Variants in ABCA4 observed in about 807,000 individuals in gnomAD.
The protein encoded by ABCA4 is retinal-specific phospholipid-transporting ATPase ABCA4.
ABCA4 carries 196 observed loss-of-function variants against 263.7 expected under a neutral mutation model. The ratio of observed to expected loss-of-function variants is 0.74; its 90% CI spans 0.66 to 0.84. The LOEUF (loss-of-function observed/expected upper bound fraction) is 0.84. ABCA4 is among the 40% of genes least tolerant of loss of function. The pLI is 0.00. For synonymous variants in ABCA4, 1,133 were observed against 1,094.2 expected (o/e 1.04, Z -0.70); for missense variants, 2,792 against 2,855.1 (o/e 0.98, Z 0.50).
chr1:94,081,260 G>A (rs1367385915), intron 7 of ABCA4, among the ~76,000 whole-genome samples: 1 of 152,062 alleles, frequency 6.6e-6, no homozygotes, highest in African/African-American at 2.4e-5. Flanking sequence ...ATCACAGAGT[G>A]ACCCCTAGAG....
At position 94,062,771 on chromosome 1, in the gene ABCA4, G is replaced by C; in HGVS notation, c.1761-18C>G. The C allele has an allele frequency of 3.1e-6, 5 of 1,612,652 alleles. No individual in the cohort carries two copies. The highest frequency in any genetic ancestry group is 4.2e-6 in the Non-Finnish European group (5 of 1,179,486). ...CCCAATACCTGAGAAGACACAGAGGGACAAAGGATGGGAACGGGCTTGGAT... is the reference window on the plus strand; with the variant it reads ...CCCAATACCTGAGAAGACACAGAGGCACAAAGGATGGGAACGGGCTTGGAT... On this transcript the variant is annotated intron_variant, in intron 12 of 49. Transcript: ENST00000370225.
chr1:94,100,973 G>A (rs1015752169), intron 5 of ABCA4, among the ~76,000 whole-genome samples: 2 of 152,228 alleles, frequency 1.3e-5, no homozygotes, highest in Non-Finnish European at 2.9e-5. Flanking sequence ...TGGGAAGTGG[G>A]CAGGGAGGGC....
At chr1:94,046,214 G>A (rs1409863456) in intron 19 of ABCA4, among the ~76,000 whole-genome samples, 8 of 150,678 alleles carry the variant, frequency 5.3e-5, no homozygotes, top group Non-Finnish European at 1.5e-5. Flanking sequence ...AAGCTGAGGC[G>A]GGCAGATCAC....
intron 18 of ABCA4, among the ~76,000 whole-genome samples, chr1:94,047,652 C>T (rs527704993): frequency 2.8e-4 from 43 of 152,266 alleles, no homozygotes; most frequent in African/African-American, 6.3e-4. Flanking sequence ...TTTTCTGGAC[C>T]GCCATTCTCT....
intron 38 of ABCA4, among the ~76,000 whole-genome samples, chr1:94,012,087 T>C (rs902050140): frequency 6.6e-6 from 1 of 152,170 alleles, no homozygotes; most frequent in Non-Finnish European, 1.5e-5. Context: ...AGAAGGGACA[T>C]CGAGGCGTAC....
At chr1:94,100,300 A>T (rs1662254058) in intron 5 of ABCA4, among the ~76,000 whole-genome samples, 2 of 152,208 alleles carry the variant, frequency 1.3e-5, no homozygotes, top group South Asian at 4.1e-4. Context: ...ATTTACTGAG[A>T]GTTTACTATG....
At chr1:94,055,925 G>C (rs1332180554) in intron 15 of ABCA4, among the ~76,000 whole-genome samples, 2 of 152,212 alleles carry the variant, frequency 1.3e-5, no homozygotes, top group East Asian at 3.9e-4. Context: ...CGGAGGACAA[G>C]GGGAACTGCA....
intron 1 of ABCA4, among the ~76,000 whole-genome samples, chr1:94,113,340 T>C (rs1349736379): frequency 2.0e-5 from 3 of 152,358 alleles, no homozygotes; most frequent in African/African-American, 7.2e-5. Context: ...TAAAGGATCA[T>C]CAAGATCATC....
In ABCA4 at chr1:94,011,373, A is replaced by G; in HGVS notation, c.5473T>C (p.Phe1825Leu). Reference protein sequence around the residue: ...LFENNRTLLRFNAVLRKLLIV... With the variant: ...LFENNRTLLRLNAVLRKLLIV... ...AGCAGCTTCCTCAGCACGGCGTTGAACCTGAGCAGCGTCTGAAACAGAGAA... is the reference window on the plus strand; with the variant it reads ...AGCAGCTTCCTCAGCACGGCGTTGAGCCTGAGCAGCGTCTGAAACAGAGAA... Residue 1825 changes from phenylalanine to leucine, a missense_variant, in exon 39 of 50, where the codon TTC becomes CTC. Phe to Leu is a conservative substitution (Grantham distance 22, BLOSUM62 0). Coordinates refer to ENST00000370225, the MANE Select transcript of ABCA4 (RefSeq NM_000350.3). 1.2e-6 allele frequency: 2 copies of G among 1,614,018 alleles called. No individual in the cohort carries two copies. Among genetic ancestry groups the G allele is most frequent in the South Asian group, 2.2e-5 (2 of 91,076 alleles).
At chr1:94,049,028 G>C in intron 17 of ABCA4, 71 bp from the exon 18 acceptor site, 1 of 1,491,176 alleles carries the variant, frequency 6.7e-7, no homozygotes, top group Non-Finnish European at 9.3e-7. Context: ...GAAAGGAGGG[G>C]AGAGGTACAG....
intron 11 of ABCA4, among the ~76,000 whole-genome samples, chr1:94,073,939 A>G (rs1188531198): frequency 6.6e-6 from 1 of 152,150 alleles, no homozygotes; most frequent in Non-Finnish European, 1.5e-5. Flanking sequence ...TGCTTATGTT[A>G]TAACAGCAGT....
chr1:94,005,514 T>C lies in ABCA4; in HGVS notation c.6074A>G (p.Glu2025Gly), dbSNP rs777410156. Reference protein sequence around the residue: ...GYCPQFDAIDELLTGREHLYL... With the variant: ...GYCPQFDAIDGLLTGREHLYL... ...AAGATGTTCTCGTCCTGTGAGCAGC[T>C]CATCAATTGCATCAAACTGAGGACA... Residue 2025 changes from glutamate to glycine, a missense_variant, in exon 44 of 50, where the codon GAG becomes GGG. By Grantham distance (98) the Glu-to-Gly change is moderately conservative. Coordinates refer to ENST00000370225, the MANE Select transcript of ABCA4 (RefSeq NM_000350.3). 1.2e-6 allele frequency: 2 copies of C among 1,613,968 alleles called. No homozygotes were observed. The highest frequency in any genetic ancestry group is 1.7e-6 in the Non-Finnish European group (2 of 1,179,946).
intron 6 of ABCA4, among the ~76,000 whole-genome samples, chr1:94,095,276 T>TA: frequency 6.6e-6 from 1 of 151,298 alleles, no homozygotes; most frequent in South Asian, 2.1e-4. Flanking sequence ...CAGTCGGTGC[T>TA]AACCCCAGCG....
At chr1:94,102,867 G>T (rs1445238293) in intron 5 of ABCA4, 148 bp downstream of exon 5, 16 of 1,130,084 alleles carry the variant, frequency 1.4e-5, no homozygotes, top group Middle Eastern at 2.8e-4. Context: ...TGATCCCCCG[G>T]TTTTTTTCTA....
At position 94,029,345 on chromosome 1, in the gene ABCA4, T is replaced by C. The variant is rs527291879; in HGVS notation, c.4539+100A>G. On this transcript the variant is annotated intron_variant, in intron 30 of 49. Transcript: ENST00000370225. Reference sequence around the variant, plus strand: ...TTTAGTCCCCTACTCAACTGCCAGTTTGAAATGTTAGTTTGTGAGAGACTC... The same window carrying C: ...TTTAGTCCCCTACTCAACTGCCAGTCTGAAATGTTAGTTTGTGAGAGACTC... The C allele has an allele frequency of 4.2e-5, 51 of 1,204,764 alleles. No homozygotes were observed. The East Asian group carries it at 1.2e-3, about 27-fold the overall frequency. 74.6% of individuals were successfully genotyped at this position (1,204,764 alleles called of 1,614,324 possible). A position where few individuals can be genotyped will look rare whatever the true frequency, so the allele number is the denominator to read the frequency against.
At chr1:94,053,535 G>T (rs1339165448) in intron 16 of ABCA4, among the ~76,000 whole-genome samples, 1 of 152,168 alleles carries the variant, frequency 6.6e-6, no homozygotes, top group African/African-American at 2.4e-5. Flanking sequence ...TTGAGATGAG[G>T]TCACATGGGA....
chr1:94,086,925 AC>A (rs2101117163), intron 6 of ABCA4, among the ~76,000 whole-genome samples: 1 of 152,308 alleles, frequency 6.6e-6, no homozygotes, highest in South Asian at 2.1e-4. Flanking sequence ...TGGGTAAACA[AC>A]AGAAATCTAT....
rs1553197104 is a variant in ABCA4, at chr1:94,116,968, C to CTCTTTCT, written c.67-3909_67-3903dup. ...CCCTCCCTCCCTCCTTTCTTTCTTT[C>CTCTTTCT]TCTTTCTTTCTTTCTTTCTTTCTTT... On this transcript the variant is annotated intron_variant, in intron 1 of 49. Transcript: ENST00000370225. 3.8e-4 allele frequency among the ~76,000 whole-genome samples: 38 copies of CTCTTTCT among 100,052 alleles called. No homozygotes were observed. In the East Asian group the frequency reaches 8.0e-3, roughly 21 times the overall value. The allele number at this position is 100,052 out of a possible 152,430, so 65.6% of individuals were successfully genotyped here.
chr1:94,024,500 C>T (rs964863763), intron 31 of ABCA4, among the ~76,000 whole-genome samples: 3 of 152,148 alleles, frequency 2.0e-5, no homozygotes, highest in Non-Finnish European at 2.9e-5. Flanking sequence ...GACACTGTCC[C>T]GCTGCCTCTT....
Sources: allele counts gnomAD v4.1 joint callset (sites outside exome capture counted in the v4.1 genomes callset), GRCh38; gene constraint gnomAD v4.1.1; transcripts MANE v1.5; gene names NCBI Gene and HGNC (gene_info 2026-07-23, HGNC 2026-07-21).